LRRC8C: variants seen among roughly 807,000 people sequenced by gnomAD.
LRRC8C encodes the protein leucine rich repeat containing 8 VRAC subunit C.
A neutral mutation model predicts 55.3 loss-of-function variants in LRRC8C; 20 were observed. The ratio of observed to expected loss-of-function variants is 0.36; its 90% CI spans 0.25 to 0.53. The LOEUF (loss-of-function observed/expected upper bound fraction) is 0.53, where lower values mean the gene tolerates loss of function less well. Ranked by LOEUF, LRRC8C falls within the 20% of genes least tolerant of loss-of-function variation. LRRC8C has a pLI of 0.92. For missense variants in LRRC8C, 659 were observed against 951.4 expected, an observed-to-expected ratio of 0.69 and a Z score of 4.04; for synonymous variants, 376 against 360.7, an observed-to-expected ratio of 1.04 and a Z score of -0.48.
chr1:89,617,274 A>AT, the LRRC8C span, among the ~76,000 whole-genome samples: 1 of 152,208 alleles, frequency 6.6e-6, no homozygotes, highest in Admixed American at 6.5e-5. Context: ...AAGGACACTC[A>AT]TGTTGTCTTC....
intron 1 of LRRC8C, among the ~76,000 whole-genome samples, chr1:89,634,578 A>T (rs1656226345): frequency 6.6e-6 from 1 of 152,238 alleles, no homozygotes; most frequent in Non-Finnish European, 1.5e-5. Flanking sequence ...AAAGTGGAGT[A>T]GTCCTCTTGG....
intron 2 of LRRC8C, among the ~76,000 whole-genome samples, chr1:89,706,083 C>T (rs1460771282): frequency 2.6e-5 from 4 of 152,104 alleles, no homozygotes; most frequent in Non-Finnish European, 5.9e-5. Context: ...AATTTGAGCA[C>T]TTATCACACT....
intron 1 of LRRC8C, among the ~76,000 whole-genome samples, chr1:89,645,958 CAGATAGATAGAT>C (rs57855698): frequency 6.7e-6 from 1 of 150,194 alleles, no homozygotes; most frequent in Non-Finnish European, 1.5e-5. Context: ...GGAAGATGAT[CAGATAGATAGAT>C]AGATAGATAG....
At chr1:89,628,607 T>C (rs893177566), upstream of LRRC8C, among the ~76,000 whole-genome samples, 12 of 152,142 alleles carry the variant, frequency 7.9e-5, no homozygotes, top group African/African-American at 2.9e-4. Flanking sequence ...GAAATATGAT[T>C]GGACAAAAGG....
At chr1:89,658,768 C>G (rs1209369735) in intron 1 of LRRC8C, among the ~76,000 whole-genome samples, 1 of 152,052 alleles carries the variant, frequency 6.6e-6, no homozygotes, top group Non-Finnish European at 1.5e-5. Context: ...ACATTTCTGA[C>G]AGGGAAATGA....
At chr1:89,704,439 A>C (rs1658415468) in intron 2 of LRRC8C, among the ~76,000 whole-genome samples, 1 of 152,148 alleles carries the variant, frequency 6.6e-6, no homozygotes, top group African/African-American at 2.4e-5. Context: ...GTGCCAATCT[A>C]TTAACATCTC....
At chr1:89,616,934 C>T in the LRRC8C span, among the ~76,000 whole-genome samples, 19 of 152,284 alleles carry the variant, frequency 1.2e-4, no homozygotes, top group Admixed American at 4.6e-4. Context: ...AATAAGCTAA[C>T]GTAAGTAAAA....
At chr1:89,635,999 A>G (rs1339319021) in intron 1 of LRRC8C, among the ~76,000 whole-genome samples, 3 of 152,240 alleles carry the variant, frequency 2.0e-5, no homozygotes, top group South Asian at 2.1e-4. Context: ...CTTTTGAACT[A>G]TAAATCATTC....
intron 2 of LRRC8C, among the ~76,000 whole-genome samples, chr1:89,699,124 C>T (rs1247009766): frequency 6.6e-6 from 1 of 152,086 alleles, no homozygotes; most frequent in Admixed American, 6.6e-5. Flanking sequence ...GTGAAAGAAG[C>T]TAATCTTAAA....
chr1:89,656,286 G>A (rs1256467298), intron 1 of LRRC8C, among the ~76,000 whole-genome samples: 2 of 152,238 alleles, frequency 1.3e-5, no homozygotes, highest in East Asian at 3.8e-4. Flanking sequence ...GCAGTGGTCA[G>A]AGGAACAGCC....
At position 89,656,113 on chromosome 1, in the gene LRRC8C, A is replaced by G. The variant is rs141312613; in HGVS notation, c.-5+22791A>G. Among the ~76,000 whole-genome samples the G allele has an allele frequency of 1.8e-3, 276 of 152,364 alleles. 3 individuals carry two copies. The highest frequency in any genetic ancestry group is 0.017 in the Middle Eastern group (5 of 294). On this transcript the variant is annotated intron_variant, in intron 1 of 2. Transcript: ENST00000370454. Reference sequence around the variant, plus strand: ...TGTAGTAGCTCACAACAAAGATTCAACATGAGGGCTCTTTCAGTGAACTTT... The same window carrying G: ...TGTAGTAGCTCACAACAAAGATTCAGCATGAGGGCTCTTTCAGTGAACTTT...
intron 1 of LRRC8C, among the ~76,000 whole-genome samples, chr1:89,662,564 G>C (rs547967425): frequency 2.0e-5 from 3 of 152,282 alleles, no homozygotes; most frequent in African/African-American, 7.2e-5. Flanking sequence ...GAGAGATGAT[G>C]GTGGCTTGGA....
chr1:89,630,758 T>C (rs1656086014), upstream of LRRC8C, among the ~76,000 whole-genome samples: 1 of 152,236 alleles, frequency 6.6e-6, no homozygotes, highest in African/African-American at 2.4e-5. Flanking sequence ...GTTGACTGAT[T>C]GCTAATTCTA....
intron 1 of LRRC8C, among the ~76,000 whole-genome samples, chr1:89,662,748 T>G (rs1292811856): frequency 1.3e-5 from 2 of 152,244 alleles, no homozygotes; most frequent in African/African-American, 4.8e-5. Flanking sequence ...GTTAACTGTC[T>G]GACTCTTGAA....
chr1:89,627,339 C>T, the LRRC8C span, among the ~76,000 whole-genome samples: 8 of 146,146 alleles, frequency 5.5e-5, no homozygotes, highest in African/African-American at 2.0e-4. Flanking sequence ...ACTTATCTAT[C>T]GACCCATCTG....
intron 2 of LRRC8C, among the ~76,000 whole-genome samples, chr1:89,696,349 A>G (rs1040553132): frequency 4.6e-5 from 7 of 152,158 alleles, no homozygotes; most frequent in African/African-American, 1.7e-4. Flanking sequence ...CGTACCTGCA[A>G]AAAAAGTGGG....
In LRRC8C at chr1:89,712,726, A is replaced by G. The variant is rs748546469; in HGVS notation, c.156A>G (p.Ile52Met). 6.2e-7 allele frequency: 1 copy of G among 1,613,574 alleles called. No homozygotes were observed. Among genetic ancestry groups the G allele is most frequent in the African/African-American group, 1.3e-5 (1 of 74,930 alleles). Residue 52 changes from isoleucine (I) to methionine (M), a missense_variant, in exon 3 of 3, where the codon ATA (isoleucine) becomes ATG (methionine). Coordinates refer to ENST00000370454, the MANE Select transcript of LRRC8C (RefSeq NM_032270.5). ...GCTLQVMQDK[I>M]ICLPKRVQPA... ...TGTTTCAGGTCATGCAAGACAAGATAATCTGCCTTCCGAAAAGAGTGCAGC... is the reference window on the plus strand; with the variant it reads ...TGTTTCAGGTCATGCAAGACAAGATGATCTGCCTTCCGAAAAGAGTGCAGC...
intron 1 of LRRC8C, among the ~76,000 whole-genome samples, chr1:89,646,800 A>G (rs1656626342): frequency 1.3e-5 from 2 of 152,124 alleles, no homozygotes; most frequent in African/African-American, 4.8e-5. Context: ...AAGAAGTAGA[A>G]CTACTTTTCT....
chr1:89,659,048 G>GTTTT (rs771955175), intron 1 of LRRC8C, among the ~76,000 whole-genome samples: 481 of 26,098 alleles, frequency 0.018, 57 homozygotes, highest in South Asian at 0.036. Flanking sequence ...TCTTCTCCAG[G>GTTTT]TTTTTTTTTT....
Sources: gnomAD v4.1 joint callset for allele counts (sites outside exome capture counted in the v4.1 genomes callset) on GRCh38, gnomAD v4.1.1 for gene constraint, MANE v1.5 for transcripts, NCBI Gene and HGNC (gene_info 2026-07-23, HGNC 2026-07-21) for gene names.